The following PTPRM variants were observed in gnomAD, a reference collection of about 807,000 sequenced individuals.
PTPRM encodes the protein receptor-type tyrosine-protein phosphatase mu.
A neutral mutation model predicts 186.7 loss-of-function variants in PTPRM; 47 were observed. That is an observed-to-expected ratio of 0.25 (90% CI 0.20 to 0.32). The LOEUF is 0.32. PTPRM is among the 10% of genes least tolerant of loss of function. The pLI is 1.00. For missense variants in PTPRM, 1,494 were observed against 1,865.0 expected (o/e 0.80, Z 3.66); for synonymous variants, 668 against 674.9 (o/e 0.99, Z 0.16).
At chr18:7,911,003 C>T (rs754921207) in intron 4 of PTPRM, among the ~76,000 whole-genome samples, 9 of 152,182 alleles carry the variant, frequency 5.9e-5, no homozygotes, top group Non-Finnish European at 1.2e-4. Context: ...TGCTTGTTCT[C>T]CATATTCATT....
intron 7 of PTPRM, among the ~76,000 whole-genome samples, chr18:8,048,033 A>C (rs1290638068): frequency 6.6e-6 from 1 of 152,206 alleles, no homozygotes; most frequent in African/African-American, 2.4e-5. Context: ...GCTTCCAGGA[A>C]AACAATGAAA....
At chr18:7,600,820 T>C (rs2037382386) in intron 1 of PTPRM, among the ~76,000 whole-genome samples, 1 of 152,232 alleles carries the variant, frequency 6.6e-6, no homozygotes. Context: ...AGGAAGACGC[T>C]GCGCCCCTCA....
chr18:8,211,797 G>C (rs1395744078), intron 14 of PTPRM, among the ~76,000 whole-genome samples: 2 of 152,132 alleles, frequency 1.3e-5, no homozygotes, highest in East Asian at 1.9e-4. Context: ...TGAAGACAGA[G>C]GGGGAGGCAT....
intron 8 of PTPRM, among the ~76,000 whole-genome samples, chr18:8,072,361 A>G (rs1600398785): frequency 1.3e-5 from 2 of 152,314 alleles, no homozygotes; most frequent in African/African-American, 4.8e-5. Flanking sequence ...TTCCATCAAA[A>G]CATGAGGACA....
chr18:8,070,058 G>A (rs959666120), intron 8 of PTPRM, 64 bp downstream of exon 8: 4 of 1,436,210 alleles, frequency 2.8e-6, no homozygotes, highest in Non-Finnish European at 2.8e-6. Flanking sequence ...CTTTTGTTTC[G>A]AGATCTTTGC....
chr18:7,906,224 G>A (rs549021791), intron 3 of PTPRM, among the ~76,000 whole-genome samples: 4 of 152,214 alleles, frequency 2.6e-5, no homozygotes, highest in African/African-American at 9.6e-5. Context: ...TACAGTGTAT[G>A]TGTCATCCCC....
chr18:8,375,954 G>A lies in PTPRM; in HGVS notation c.3172-92G>A, dbSNP rs1000526158. On this transcript the variant is annotated intron_variant, in intron 24 of 32. Transcript: ENST00000580170. The stretch of plus-strand genomic sequence containing the variant: ...TTTCCTGGCCCTAGACTTGCTACCT[G>A]GGGACTGTTTCCACTCCCCCAGCTA... The A allele has an allele frequency of 7.3e-6, 10 of 1,374,876 alleles. No individual in the cohort carries two copies. In the African/African-American group the frequency reaches 1.1e-4, roughly 16 times the overall value. The allele number at this position is 1,374,876 out of a possible 1,614,324, so 85.2% of individuals were successfully genotyped here.
intron 2 of PTPRM, among the ~76,000 whole-genome samples, chr18:7,876,097 G>T (rs1194736327): frequency 6.7e-6 from 1 of 149,904 alleles, no homozygotes; most frequent in East Asian, 2.0e-4. Flanking sequence ...TCGCCAAAAT[G>T]TCCTTAAGTG....
chr18:7,897,951 G>A (rs1391566871), intron 3 of PTPRM, among the ~76,000 whole-genome samples: 1 of 152,148 alleles, frequency 6.6e-6, no homozygotes, highest in Non-Finnish European at 1.5e-5. Flanking sequence ...AAATAACATT[G>A]CAAGCACTAA....
chr18:8,034,890 G>T (rs2086223565), intron 7 of PTPRM, among the ~76,000 whole-genome samples: 1 of 152,124 alleles, frequency 6.6e-6, no homozygotes, highest in Non-Finnish European at 1.5e-5. Context: ...AGCCTAGTGG[G>T]TCTCCTGTGT....
intron 19 of PTPRM, among the ~76,000 whole-genome samples, chr18:8,268,095 C>CAAA: frequency 6.6e-6 from 1 of 152,202 alleles, no homozygotes; most frequent in Non-Finnish European, 1.5e-5. Flanking sequence ...GAAACATGGA[C>CAAA]AATTCAGTCA....
chr18:7,699,098 C>T (rs1435994008), intron 1 of PTPRM, among the ~76,000 whole-genome samples: 2 of 152,078 alleles, frequency 1.3e-5, no homozygotes, highest in African/African-American at 4.8e-5. Context: ...CTCATAGGAG[C>T]ACGAACTCTT....
chr18:8,281,224 T>A (rs931747787), intron 19 of PTPRM, among the ~76,000 whole-genome samples: 2 of 152,232 alleles, frequency 1.3e-5, no homozygotes, highest in African/African-American at 4.8e-5. Context: ...CTCCCTTTCA[T>A]GTTTTAGTGT....
intron 7 of PTPRM, among the ~76,000 whole-genome samples, chr18:8,024,832 TGC>T (rs2085468458): frequency 6.6e-6 from 1 of 151,956 alleles, no homozygotes; most frequent in South Asian, 2.1e-4. Flanking sequence ...TACAGATGCA[TGC>T]CACCACTTCT....
intron 2 of PTPRM, among the ~76,000 whole-genome samples, chr18:7,798,563 T>G (rs1191927286): frequency 6.6e-6 from 1 of 152,022 alleles, no homozygotes; most frequent in Admixed American, 6.6e-5. Flanking sequence ...AAATTTTGTG[T>G]GTATTTTATC....
At chr18:7,660,165 C>T (rs1001427482) in intron 1 of PTPRM, among the ~76,000 whole-genome samples, 1 of 151,894 alleles carries the variant, frequency 6.6e-6, no homozygotes, top group East Asian at 1.9e-4. Context: ...GACAAAAGCC[C>T]ATCTCTACTA....
At chr18:7,794,476 G>T (rs1235377852) in intron 2 of PTPRM, among the ~76,000 whole-genome samples, 2 of 152,234 alleles carry the variant, frequency 1.3e-5, no homozygotes, top group South Asian at 4.1e-4. Flanking sequence ...ATGATGTTGA[G>T]TTCCACCTGG....
At chr18:7,867,886 G>C (rs1253159008) in intron 2 of PTPRM, among the ~76,000 whole-genome samples, 1 of 152,098 alleles carries the variant, frequency 6.6e-6, no homozygotes, top group Non-Finnish European at 1.5e-5. Context: ...TGGAGGCTTT[G>C]TTTGTTCCTT....
At chr18:8,283,816 T>A (rs903648512) in intron 19 of PTPRM, among the ~76,000 whole-genome samples, 2 of 151,406 alleles carry the variant, frequency 1.3e-5, no homozygotes, top group Non-Finnish European at 2.9e-5. Flanking sequence ...CGAGGTGGGG[T>A]CTCGCTATGT....
Sources: allele counts gnomAD v4.1 joint callset (sites outside exome capture counted in the v4.1 genomes callset), GRCh38; gene constraint gnomAD v4.1.1; transcripts MANE v1.5; gene names NCBI Gene and HGNC (gene_info 2026-07-23, HGNC 2026-07-21).